Variants in NTM observed in about 807,000 individuals in gnomAD.
NTM encodes neurotrimin.
In NTM, 13 loss-of-function variants were observed where a neutral mutation model predicts 42.1. That is an observed-to-expected ratio of 0.31 (90% CI 0.20 to 0.49). The LOEUF is 0.49. Ranked by LOEUF, NTM falls within the 20% of genes least tolerant of loss-of-function variation. NTM has a pLI of 0.99. For missense variants in NTM, 373 were observed against 452.8 expected (o/e 0.82, Z 1.60); for synonymous variants, 187 against 179.2 (o/e 1.04, Z -0.35).
chr11:132,211,939 G>A, intron 3 of NTM, 83 bp from the exon 4 acceptor site: 1 of 1,389,748 alleles, frequency 7.2e-7, no homozygotes, highest in Non-Finnish European at 9.8e-7. Flanking sequence ...TTACTCTCTG[G>A]ACTGTTCTGC....
intron 2 of NTM, among the ~76,000 whole-genome samples, chr11:131,952,434 TATAC>T (rs1253413097): frequency 6.6e-6 from 1 of 152,256 alleles, no homozygotes; most frequent in African/African-American, 2.4e-5. Flanking sequence ...TATATATTTA[TATAC>T]ATACACATAT....
intron 1 of NTM, among the ~76,000 whole-genome samples, chr11:131,562,376 T>C (rs1051911362): frequency 1.3e-5 from 2 of 152,092 alleles, no homozygotes; most frequent in African/African-American, 4.8e-5. Flanking sequence ...TATAATCTCA[T>C]GAGGAAATAT....
chr11:131,564,834 GACACATGCTC>G (rs2056681113), intron 1 of NTM, among the ~76,000 whole-genome samples: 1 of 151,956 alleles, frequency 6.6e-6, no homozygotes. Context: ...CACATGCTCA[GACACATGCTC>G]ACATGCACAC....
intron 2 of NTM, among the ~76,000 whole-genome samples, chr11:132,100,259 G>T (rs2061475047): frequency 2.0e-5 from 3 of 152,186 alleles, no homozygotes; most frequent in African/African-American, 7.2e-5. Flanking sequence ...TCTAAACAGA[G>T]TTTGTTTAGT....
At chr11:131,764,768 C>T (rs1461919246) in intron 1 of NTM, among the ~76,000 whole-genome samples, 1 of 152,144 alleles carries the variant, frequency 6.6e-6, no homozygotes, top group African/African-American at 2.4e-5. Context: ...GAGAACATGA[C>T]TCGAAGTTGC....
intron 1 of NTM, among the ~76,000 whole-genome samples, chr11:131,379,710 T>G (rs1307694117): frequency 1.3e-5 from 2 of 152,232 alleles, no homozygotes; most frequent in East Asian, 1.9e-4. Context: ...TTTTTCTACA[T>G]GACTGTTTTC....
intron 4 of NTM, among the ~76,000 whole-genome samples, chr11:132,266,849 T>G (rs73597244): frequency 0.013 from 1,973 of 152,340 alleles, 45 homozygotes; most frequent in African/African-American, 0.045. Flanking sequence ...GTTGAATAAC[T>G]TAGTTGACAT....
At chr11:132,333,788 C>G (rs191681412) in intron 8 of NTM, among the ~76,000 whole-genome samples, 36 of 152,266 alleles carry the variant, frequency 2.4e-4, no homozygotes, top group African/African-American at 7.7e-4. Context: ...AGCCACGCCC[C>G]CAAATTAGGG....
At chr11:131,731,090 A>C (rs944000219) in intron 1 of NTM, among the ~76,000 whole-genome samples, 2 of 152,028 alleles carry the variant, frequency 1.3e-5, no homozygotes, top group Non-Finnish European at 2.9e-5. Flanking sequence ...TGCTATAAAA[A>C]CCCTACAATT....
chr11:132,084,896 T>C (rs1160566330), intron 2 of NTM, among the ~76,000 whole-genome samples: 1 of 152,224 alleles, frequency 6.6e-6, no homozygotes, highest in African/African-American at 2.4e-5. Flanking sequence ...TGAAACCTTA[T>C]AGAAAATTCT....
At chr11:131,942,653 CAT>C (rs1244834293) in intron 2 of NTM, among the ~76,000 whole-genome samples, 2 of 152,086 alleles carry the variant, frequency 1.3e-5, no homozygotes, top group Non-Finnish European at 2.9e-5. Context: ...TTCAAGAATG[CAT>C]AGAGTTTAGG....
chr11:131,733,776 G>A (rs1369598857), intron 1 of NTM, among the ~76,000 whole-genome samples: 2 of 152,116 alleles, frequency 1.3e-5, no homozygotes, highest in African/African-American at 2.4e-5. Flanking sequence ...GACCTCAAGT[G>A]ATCCACCTGC....
At chr11:131,880,499 A>T (rs756361692) in intron 1 of NTM, among the ~76,000 whole-genome samples, 17 of 152,234 alleles carry the variant, frequency 1.1e-4, no homozygotes, top group Non-Finnish European at 2.1e-4. Flanking sequence ...AGAAAGTTTA[A>T]GCTGGGGATT....
chr11:132,254,391 C>T (rs1429656332), intron 4 of NTM, among the ~76,000 whole-genome samples: 5 of 151,998 alleles, frequency 3.3e-5, no homozygotes, highest in Non-Finnish European at 7.4e-5. Flanking sequence ...TTCCCCCTCA[C>T]CTTTTCCCAT....
chr11:131,881,613 T>C (rs555335948), intron 1 of NTM, among the ~76,000 whole-genome samples: 1 of 152,142 alleles, frequency 6.6e-6, no homozygotes, highest in East Asian at 1.9e-4. Context: ...AGGCAGCATT[T>C]TACTCCTCCA....
At chr11:131,487,299 C>T (rs1954282138) in intron 1 of NTM, among the ~76,000 whole-genome samples, 1 of 152,178 alleles carries the variant, frequency 6.6e-6, no homozygotes, top group Admixed American at 6.5e-5. Flanking sequence ...CTGATGTATA[C>T]AAACATAGTA....
intron 1 of NTM, among the ~76,000 whole-genome samples, chr11:131,395,802 C>G (rs1436937924): frequency 1.3e-5 from 2 of 152,132 alleles, no homozygotes; most frequent in African/African-American, 4.8e-5. Flanking sequence ...TTCTTTTTCT[C>G]CTCTGACCCC....
At chr11:131,786,462 A>G (rs757698007) in intron 1 of NTM, among the ~76,000 whole-genome samples, 13 of 152,238 alleles carry the variant, frequency 8.5e-5, no homozygotes, top group Non-Finnish European at 1.6e-4. Flanking sequence ...CTTGAGAACA[A>G]TTACTAAAGT....
At chr11:132,090,710 C>T (rs995937887) in intron 2 of NTM, among the ~76,000 whole-genome samples, 1 of 152,042 alleles carries the variant, frequency 6.6e-6, no homozygotes, top group Non-Finnish European at 1.5e-5. Flanking sequence ...CTTCCCCATC[C>T]AGCCTAGATG....
Sources: gnomAD v4.1 joint callset for allele counts (sites outside exome capture counted in the v4.1 genomes callset) on GRCh38, gnomAD v4.1.1 for gene constraint, MANE v1.5 for transcripts, NCBI Gene and HGNC (gene_info 2026-07-23, HGNC 2026-07-21) for gene names.